The following HSF2 variants were observed in gnomAD, a reference collection of about 807,000 sequenced individuals.
HSF2 encodes heat shock transcription factor 2.
A neutral mutation model predicts 65.0 loss-of-function variants in HSF2; 21 were observed. That is an observed-to-expected ratio of 0.32 (90% CI 0.23 to 0.47). HSF2 has a LOEUF of 0.47. Among genes scored for constraint, HSF2 ranks in the 20% least tolerant of loss-of-function variants. HSF2 has a pLI of 1.00. For missense variants in HSF2, 499 were observed against 628.1 expected (o/e 0.79, Z 2.20); for synonymous variants, 225 against 219.1 (o/e 1.03, Z -0.24).
At chr6:122,426,680 C>T (rs956391137) in intron 10 of HSF2, among the ~76,000 whole-genome samples, 4 of 152,020 alleles carry the variant, frequency 2.6e-5, no homozygotes, top group Non-Finnish European at 4.4e-5. Context: ...GAATATGGAA[C>T]TTTAAAGAGA....
chr6:122,428,984 A>G (rs1189360587), intron 11 of HSF2, among the ~76,000 whole-genome samples: 1 of 152,090 alleles, frequency 6.6e-6, no homozygotes, highest in Non-Finnish European at 1.5e-5. Flanking sequence ...TTCAGGCCAT[A>G]TGTTCTCTGT....
chr6:122,400,791 A>G (rs1005412561), intron 1 of HSF2, among the ~76,000 whole-genome samples: 2 of 152,218 alleles, frequency 1.3e-5, no homozygotes, highest in African/African-American at 4.8e-5. Flanking sequence ...TTTATGAAGG[A>G]AAGTGGTTAA....
At chr6:122,429,706 T>C (rs577667459) in intron 11 of HSF2, among the ~76,000 whole-genome samples, 28 of 152,262 alleles carry the variant, frequency 1.8e-4, no homozygotes, top group African/African-American at 6.7e-4. Context: ...TTATTGGGTG[T>C]TTTTAGCATG....
intron 5 of HSF2, 83 bp from the exon 6 acceptor site, chr6:122,419,085 A>G: frequency 1.5e-6 from 1 of 677,174 alleles, no homozygotes; most frequent in South Asian, 1.8e-5. Context: ...AAATTATTAT[A>G]TGAATTTGTT....
rs1334991954 is a variant in HSF2, at chr6:122,412,446, A to G, written c.167A>G (p.Asn56Ser). Residue 56 changes from asparagine to serine, a missense_variant, in exon 2 of 13, where the codon AAT becomes AGT. Around this residue, in one of 2 missense-constraint regions of HSF2, gnomAD observed 150 missense variants for 234.6 expected, o/e 0.64. Transcript: ENST00000368455. ...ATTCTTCCCAAATATTTCAAGCACA[A>G]TAATATGGCAAGCTTTGTGAGGCAA... ...KEILPKYFKH[N>S]NMASFVRQLN... The G allele has an allele frequency of 1.2e-6, 2 of 1,611,928 alleles. No homozygotes were observed. The highest frequency in any genetic ancestry group is 1.7e-6 in the Non-Finnish European group (2 of 1,178,146).
intron 4 of HSF2, among the ~76,000 whole-genome samples, chr6:122,413,934 A>C (rs1448357835): frequency 6.6e-6 from 1 of 152,148 alleles, no homozygotes; most frequent in East Asian, 1.9e-4. Context: ...GTAGGTCTTT[A>C]AGATGATGTA....
At position 122,422,234 on chromosome 6, in the gene HSF2, G is replaced by A; in HGVS notation, c.766G>A (p.Ala256Thr). ...IIIYDVTDDN[A>T]DEENIPVIPE... ...TATTTATGATGTTACTGATGATAAT[G>A]CAGATGAAGAAAATATCCCAGTTAT... The change falls in exon 8 of 13, where the codon GCA becomes ACA. Residue 256 changes from alanine (A) to threonine (T), a missense_variant. Ala to Thr is a moderately conservative substitution (Grantham distance 58). Around this residue, in one of 2 missense-constraint regions of HSF2, gnomAD observed 349 missense variants for 393.5 expected, o/e 0.89. Transcript: ENST00000368455. 6.3e-7 allele frequency: 1 copy of A among 1,595,934 alleles called. No individual in the cohort carries two copies. The highest frequency in any genetic ancestry group is 8.6e-7 in the Non-Finnish European group (1 of 1,164,176).
chr6:122,402,136 A>C (rs1440310220), intron 1 of HSF2, among the ~76,000 whole-genome samples: 4 of 152,200 alleles, frequency 2.6e-5, no homozygotes, highest in African/African-American at 9.6e-5. Flanking sequence ...GGCCCAGGAA[A>C]ACCAAAAGAT....
intron 5 of HSF2, among the ~76,000 whole-genome samples, chr6:122,418,431 G>C (rs1326535969): frequency 1.3e-5 from 2 of 152,028 alleles, no homozygotes; most frequent in Non-Finnish European, 2.9e-5. Flanking sequence ...TAGTGTTCCT[G>C]GTATTATGGG....
intron 7 of HSF2, among the ~76,000 whole-genome samples, chr6:122,420,700 C>CT (rs59305295): frequency 0.13 from 3,785 of 28,268 alleles, 1,613 homozygotes; most frequent in South Asian, 0.17. Context: ...TTATTCATTT[C>CT]TTTTTTTTTT....
rs777132986 is a variant in HSF2, at chr6:122,420,202, A to G, written c.661A>G (p.Thr221Ala). 2 of 1,600,910 alleles carry G rather than the reference A, an allele frequency of 1.2e-6. No individual in the cohort carries two copies. The highest frequency in any genetic ancestry group is 1.7e-6 in the Non-Finnish European group (2 of 1,169,508). ...NLFQHIVKEP[T>A]DNHHHKVPHS... is the part of the protein sequence containing the mutation. ...GTTTCAGCACATAGTCAAAGAACCA[A>G]CTGATAATCATCATCATAAAGTAAT... is the stretch of plus-strand genomic sequence containing the variant. The change falls in exon 7 of 13, where the codon ACT becomes GCT. Residue 221 changes from threonine (T) to alanine (A), a missense_variant. Thr to Ala is a moderately conservative substitution (Grantham distance 58). Around this residue, in one of 2 missense-constraint regions of HSF2, gnomAD observed 349 missense variants for 393.5 expected, o/e 0.89. Coordinates refer to ENST00000368455, the MANE Select transcript of HSF2 (RefSeq NM_004506.4).
chr6:122,423,810 A>C (rs1317413998), intron 10 of HSF2, 124 bp downstream of exon 10: 1 of 496,226 alleles, frequency 2.0e-6, no homozygotes, highest in African/African-American at 2.0e-5. Flanking sequence ...TTTTAAATTA[A>C]TAATTTTGTT....
chr6:122,421,769 T>C (rs1275729223), intron 7 of HSF2, among the ~76,000 whole-genome samples: 1 of 152,104 alleles, frequency 6.6e-6, no homozygotes, highest in African/African-American at 2.4e-5. Context: ...GCTGAAACAA[T>C]ATCCCTATCA....
At chr6:122,404,918 T>G (rs1310096185) in intron 1 of HSF2, among the ~76,000 whole-genome samples, 1 of 152,170 alleles carries the variant, frequency 6.6e-6, no homozygotes, top group African/African-American at 2.4e-5. Context: ...AGCAAGAGAT[T>G]ATTGTCATCT....
chr6:122,414,670 A>G (rs935619628), intron 4 of HSF2, among the ~76,000 whole-genome samples: 3 of 152,142 alleles, frequency 2.0e-5, no homozygotes, highest in Non-Finnish European at 2.9e-5. Flanking sequence ...TCTGTTACCC[A>G]GTCTGGAGTG....
chr6:122,418,358 G>A (rs941811456), intron 5 of HSF2, among the ~76,000 whole-genome samples: 1 of 152,078 alleles, frequency 6.6e-6, no homozygotes, highest in Non-Finnish European at 1.5e-5. Context: ...CCCATGATCC[G>A]AATTTCAGAT....
chr6:122,399,843 C>T lies in HSF2; in HGVS notation c.93+13C>T. On this transcript the variant is annotated intron_variant, in intron 1 of 12. Coordinates refer to ENST00000368455, the MANE Select transcript of HSF2 (RefSeq NM_004506.4). Reference sequence around the variant, plus strand: ...CACCTGGAGCCAGGTACGGTCAGGCCACGGCGGCCTCTGAACCCCCTGAAT... The same window carrying T: ...CACCTGGAGCCAGGTACGGTCAGGCTACGGCGGCCTCTGAACCCCCTGAAT... 6.2e-7 allele frequency: 1 copy of T among 1,603,152 alleles called. No individual in the cohort carries two copies. Among genetic ancestry groups the T allele is most frequent in the Non-Finnish European group, 8.5e-7 (1 of 1,171,220 alleles).
chr6:122,421,955 A>G (rs762211196), intron 7 of HSF2, among the ~76,000 whole-genome samples, 195 bp from the exon 8 acceptor site: 1 of 152,116 alleles, frequency 6.6e-6, no homozygotes, highest in Non-Finnish European at 1.5e-5. Context: ...AATGCAGTTA[A>G]TATACCTCAT....
Position 122,412,535 on chromosome 6 carries a change from A to AT in HSF2, c.202+62dup, listed in dbSNP as rs773732981. The AT allele has an allele frequency of 4.7e-5, 72 of 1,538,142 alleles. 1 individual carries two copies. The Middle Eastern group carries it at 5.1e-4, about 11-fold the overall frequency. On this transcript the variant is annotated intron_variant, in intron 2 of 12. Transcript: ENST00000368455. ...ACCATTATCAGCTACTGATGAAGCC[A>AT]TTTTTTTTCCCATTAGGGTGGTAAA...
Sources: allele counts gnomAD v4.1 joint callset (sites outside exome capture counted in the v4.1 genomes callset), GRCh38; gene constraint gnomAD v4.1.1; regional missense constraint gnomAD v4.1.1; transcripts MANE v1.5; gene names NCBI Gene and HGNC (gene_info 2026-07-23, HGNC 2026-07-21).